Variants in LMNB1 observed in about 807,000 individuals in gnomAD.
LMNB1 encodes the protein lamin-B1.
LMNB1 carries 23 observed loss-of-function variants against 67.1 expected under a neutral mutation model. That is an observed-to-expected ratio of 0.34 (90% CI 0.25 to 0.49). The LOEUF (loss-of-function observed/expected upper bound fraction) is 0.49. Ranked by LOEUF, LMNB1 falls within the 20% of genes least tolerant of loss-of-function variation. The probability of loss-of-function intolerance (pLI) is 0.99; values close to 1 mark genes in which losing one functional copy is unlikely to be tolerated. For synonymous variants in LMNB1, 281 were observed against 282.9 expected (o/e 0.99, Z 0.07); for missense variants, 634 against 746.5 (o/e 0.85, Z 1.76).
At chr5:126,779,929 G>A (rs1750582597) in intron 1 of LMNB1, among the ~76,000 whole-genome samples, 1 of 152,206 alleles carries the variant, frequency 6.6e-6, no homozygotes, top group African/African-American at 2.4e-5. Flanking sequence ...CTACTTGGGA[G>A]GCTGAGGCAG....
intron 1 of LMNB1, among the ~76,000 whole-genome samples, chr5:126,799,722 C>G (rs1236139100): frequency 6.6e-6 from 1 of 152,196 alleles, no homozygotes; most frequent in African/African-American, 2.4e-5. Flanking sequence ...AAATATGTCT[C>G]AAAACTAGGG....
intron 1 of LMNB1, among the ~76,000 whole-genome samples, chr5:126,789,764 T>C (rs1016756933): frequency 6.6e-6 from 1 of 152,046 alleles, no homozygotes; most frequent in African/African-American, 2.4e-5. Flanking sequence ...ACCTCTGCCT[T>C]CCAGTTTCAA....
intron 1 of LMNB1, among the ~76,000 whole-genome samples, chr5:126,787,546 A>ATATATTTTTTTTTTTTTTTTT: frequency 2.6e-4 from 17 of 65,570 alleles, no homozygotes; most frequent in Non-Finnish European, 4.1e-4. Flanking sequence ...ATATATATAT[A>ATATATTTTTTTTTTTTTTTTT]TTTTTTTTTT....
chr5:126,815,709 C>A (rs1751690161), intron 5 of LMNB1, among the ~76,000 whole-genome samples: 1 of 152,210 alleles, frequency 6.6e-6, no homozygotes, highest in East Asian at 1.9e-4. Flanking sequence ...TTGCTTATAG[C>A]CTCATAGGTA....
intron 8 of LMNB1, among the ~76,000 whole-genome samples, chr5:126,824,896 C>T (rs1465999417): frequency 8.0e-6 from 1 of 125,256 alleles, no homozygotes; most frequent in African/African-American, 3.0e-5. Flanking sequence ...CCATTTTGCC[C>T]AGGCTGGTTT....
At chr5:126,798,762 A>AGT (rs71665643) in intron 1 of LMNB1, among the ~76,000 whole-genome samples, 20,400 of 149,102 alleles carry the variant, frequency 0.14, 3,544 homozygotes, top group African/African-American at 0.41. Flanking sequence ...AAAAAAGAGA[A>AGT]GTGTGTGTGT....
chr5:126,809,572 A>G (rs1160551044), intron 3 of LMNB1, among the ~76,000 whole-genome samples: 1 of 152,176 alleles, frequency 6.6e-6, no homozygotes, highest in East Asian at 1.9e-4. Flanking sequence ...CTGTAATCCC[A>G]GTTACTAGGG....
chr5:126,784,725 G>A (rs1265048458), intron 1 of LMNB1, among the ~76,000 whole-genome samples: 1 of 148,608 alleles, frequency 6.7e-6, no homozygotes, highest in Non-Finnish European at 1.5e-5. Context: ...GCGCCATCTC[G>A]GCTCACTGCA....
At chr5:126,834,961 T>C (rs930576846) in intron 10 of LMNB1, among the ~76,000 whole-genome samples, 1 of 152,154 alleles carries the variant, frequency 6.6e-6, no homozygotes, top group Non-Finnish European at 1.5e-5. Flanking sequence ...AGTTGAAAGA[T>C]TGGAATTAAA....
chr5:126,807,886 T>C (rs1016713161), intron 3 of LMNB1, among the ~76,000 whole-genome samples: 1 of 152,132 alleles, frequency 6.6e-6, no homozygotes, highest in African/African-American at 2.4e-5. Context: ...TTTAACTCTT[T>C]TTGGAGACAG....
intron 1 of LMNB1, among the ~76,000 whole-genome samples, chr5:126,790,241 G>C (rs1458060970): frequency 6.6e-6 from 1 of 152,066 alleles, no homozygotes; most frequent in Admixed American, 6.6e-5. Flanking sequence ...CAGTAGCGGG[G>C]ATTACAGGCG....
intron 10 of LMNB1, among the ~76,000 whole-genome samples, chr5:126,835,820 C>T (rs935404660): frequency 5.3e-5 from 8 of 152,174 alleles, no homozygotes; most frequent in African/African-American, 1.9e-4. Context: ...GATACGGTGG[C>T]TCACGCCTGT....
At chr5:126,811,682 G>A in intron 4 of LMNB1, 91 bp from the exon 5 acceptor site, 1 of 1,217,034 alleles carries the variant, frequency 8.2e-7, no homozygotes, top group Non-Finnish European at 1.2e-6. Flanking sequence ...TTACCAGCAG[G>A]ACTTAGGTTT....
intron 3 of LMNB1, among the ~76,000 whole-genome samples, chr5:126,806,833 A>C (rs1357673677): frequency 6.6e-6 from 1 of 151,712 alleles, no homozygotes; most frequent in Non-Finnish European, 1.5e-5. Context: ...GCTGGAATGC[A>C]GTGGCATGAT....
chr5:126,788,291 C>T (rs1056647358), intron 1 of LMNB1, among the ~76,000 whole-genome samples: 15 of 144,428 alleles, frequency 1.0e-4, no homozygotes, highest in African/African-American at 1.7e-4. Context: ...GGAAAGCATG[C>T]GCATATGAGG....
intron 1 of LMNB1, among the ~76,000 whole-genome samples, chr5:126,794,897 G>A (rs777287180): frequency 6.6e-6 from 1 of 152,160 alleles, no homozygotes; most frequent in Non-Finnish European, 1.5e-5. Context: ...GAGGTGAAAT[G>A]TTAGGGATAG....
intron 6 of LMNB1, among the ~76,000 whole-genome samples, chr5:126,820,065 C>T (rs1158623874): frequency 6.6e-6 from 1 of 151,968 alleles, no homozygotes; most frequent in Non-Finnish European, 1.5e-5. Context: ...TTGCTTGAAC[C>T]TGGGAGGTGG....
At chr5:126,807,533 C>G (rs973657440) in intron 3 of LMNB1, among the ~76,000 whole-genome samples, 1 of 152,130 alleles carries the variant, frequency 6.6e-6, no homozygotes, top group Non-Finnish European at 1.5e-5. Flanking sequence ...AAGTGGAATA[C>G]TGTGTGTGAA....
At chr5:126,804,304 C>G (rs1280217266) in intron 1 of LMNB1, among the ~76,000 whole-genome samples, 2 of 137,668 alleles carry the variant, frequency 1.5e-5, no homozygotes, top group African/African-American at 5.4e-5. Context: ...TCTTGAATTC[C>G]TGGTCTCAAG....
Sources: gnomAD v4.1 joint callset for allele counts (sites outside exome capture counted in the v4.1 genomes callset) on GRCh38, gnomAD v4.1.1 for gene constraint, MANE v1.5 for transcripts, NCBI Gene and HGNC (gene_info 2026-07-23, HGNC 2026-07-21) for gene names.